SRP54: variants seen among roughly 807,000 people sequenced by gnomAD.
SRP54 encodes signal recognition particle subunit SRP54.
SRP54 carries 10 observed loss-of-function variants against 64.8 expected under a neutral mutation model. That is an observed-to-expected ratio of 0.15 (90% confidence interval 0.10 to 0.26). The LOEUF (loss-of-function observed/expected upper bound fraction) is 0.26, where lower values mean the gene tolerates loss of function less well. Among genes scored for constraint, SRP54 ranks in the 10% least tolerant of loss-of-function variants. The pLI is 1.00. For synonymous variants in SRP54, 193 were observed against 185.6 expected (o/e 1.04, Z -0.32); for missense variants, 325 against 613.7 (o/e 0.53, Z 4.97).
chr14:35,008,884 C>CTT (rs35812379), intron 7 of SRP54, 53 bp downstream of exon 7: 27,778 of 667,570 alleles, frequency 0.042, 13 homozygotes, highest in South Asian at 0.073. Context: ...TGTCTGTCAG[C>CTT]TTTTTTTTTT....
At chr14:35,026,055 C>CAAA (rs564680386) in intron 14 of SRP54, among the ~76,000 whole-genome samples, 2 of 99,636 alleles carry the variant, frequency 2.0e-5, no homozygotes, top group Non-Finnish European at 4.0e-5. Context: ...GAGCCTGTCT[C>CAAA]AAAAAAAAAA....
intron 13 of SRP54, among the ~76,000 whole-genome samples, chr14:35,022,498 A>C (rs973877293): frequency 3.9e-5 from 6 of 152,062 alleles, no homozygotes; most frequent in Non-Finnish European, 8.8e-5. Flanking sequence ...CTGGGACTAC[A>C]GGCACATGCC....
chr14:34,987,170 G>C (rs2043908244), intron 1 of SRP54, among the ~76,000 whole-genome samples: 1 of 149,142 alleles, frequency 6.7e-6, no homozygotes, highest in Admixed American at 6.7e-5. Flanking sequence ...GGCAGATATT[G>C]CAGTGAGCCG....
chr14:35,016,132 C>G (rs2044435028), intron 11 of SRP54, among the ~76,000 whole-genome samples: 1 of 152,190 alleles, frequency 6.6e-6, no homozygotes, highest in Non-Finnish European at 1.5e-5. Context: ...AGCTGCCCTT[C>G]AACTATGCTA....
intron 1 of SRP54, among the ~76,000 whole-genome samples, chr14:34,995,577 C>G (rs2044060114): frequency 6.6e-6 from 1 of 152,102 alleles, no homozygotes; most frequent in African/African-American, 2.4e-5. Context: ...TGTTTATCAT[C>G]CATAAGCCCT....
intron 11 of SRP54, among the ~76,000 whole-genome samples, chr14:35,017,429 T>G (rs2044461683): frequency 2.6e-5 from 4 of 152,220 alleles, no homozygotes; most frequent in Admixed American, 2.6e-4. Flanking sequence ...TCTGTGGATT[T>G]CTTATATTAT....
chr14:35,020,995 C>G (rs1041624310), intron 13 of SRP54, among the ~76,000 whole-genome samples: 2 of 152,098 alleles, frequency 1.3e-5, no homozygotes, highest in African/African-American at 4.8e-5. Context: ...AGTTTATCTT[C>G]TTTCATTTGA....
intron 4 of SRP54, among the ~76,000 whole-genome samples, chr14:35,002,789 G>A (rs1010396000): frequency 3.6e-5 from 5 of 140,190 alleles, no homozygotes; most frequent in African/African-American, 1.3e-4. Context: ...TGTTACCCAG[G>A]CTGGAGTGTA....
At chr14:35,009,110 A>T (rs1415707769) in intron 7 of SRP54, among the ~76,000 whole-genome samples, 1 of 151,562 alleles carries the variant, frequency 6.6e-6, no homozygotes, top group Non-Finnish European at 1.5e-5. Flanking sequence ...CTGGTCTCGA[A>T]CTCCTGACCT....
chr14:34,999,484 G>A lies in SRP54; in HGVS notation c.79-74G>A, dbSNP rs1235405755. The stretch of plus-strand genomic sequence containing the variant: ...ATTACTAAGCTGTGGTTATGTAAGT[G>A]ATCAACAATTGTTTTTATGGAACTG... On this transcript the variant is annotated intron_variant, in intron 2 of 15. Coordinates refer to ENST00000216774, the MANE Select transcript of SRP54 (RefSeq NM_003136.4). 3 of 1,102,770 alleles carry A rather than the reference G, an allele frequency of 2.7e-6. No homozygotes were observed. The African/African-American group carries it at 4.6e-5, about 17-fold the overall frequency. 68.3% of individuals were successfully genotyped at this position (1,102,770 alleles called of 1,614,324 possible).
At chr14:34,996,238 TAGG>T (rs1163021636) in intron 1 of SRP54, among the ~76,000 whole-genome samples, 5 of 152,206 alleles carry the variant, frequency 3.3e-5, no homozygotes, top group African/African-American at 9.6e-5. Context: ...TTTTTTTGCT[TAGG>T]AGCAAGAATC....
At chr14:34,985,539 T>C (rs1354376108) in intron 1 of SRP54, among the ~76,000 whole-genome samples, 2 of 152,240 alleles carry the variant, frequency 1.3e-5, no homozygotes, top group Admixed American at 1.3e-4. Flanking sequence ...TTGTCTCAAC[T>C]AGCCTTATGG....
chr14:34,995,895 C>T (rs1478793289), intron 1 of SRP54, among the ~76,000 whole-genome samples: 1 of 151,748 alleles, frequency 6.6e-6, no homozygotes, highest in Non-Finnish European at 1.5e-5. Context: ...AGTGAGACCC[C>T]GTCTCTACAG....
chr14:34,985,674 A>G (rs1455840810), intron 1 of SRP54, among the ~76,000 whole-genome samples: 1 of 152,174 alleles, frequency 6.6e-6, no homozygotes, highest in East Asian at 1.9e-4. Flanking sequence ...TTTCTTTGGG[A>G]CATGTTATTA....
At chr14:35,003,383 T>C (rs1365380415) in intron 4 of SRP54, among the ~76,000 whole-genome samples, 2 of 151,980 alleles carry the variant, frequency 1.3e-5, no homozygotes, top group Non-Finnish European at 2.9e-5. Context: ...TCTCTATTTA[T>C]TTATTTATTT....
chr14:34,997,585 G>A (rs536163097), intron 2 of SRP54, among the ~76,000 whole-genome samples: 1 of 152,270 alleles, frequency 6.6e-6, no homozygotes, highest in Non-Finnish European at 1.5e-5. Flanking sequence ...ATGGTTTTAA[G>A]TTTCAAATAA....
chr14:35,028,292 T>C, intron 15 of SRP54, 109 bp downstream of exon 15: 1 of 653,300 alleles, frequency 1.5e-6, no homozygotes, highest in Non-Finnish European at 2.5e-6. Flanking sequence ...AAAAGGTGTG[T>C]GATTTCAGGG....
chr14:35,024,386 T>A (rs573558456), intron 14 of SRP54, among the ~76,000 whole-genome samples: 66 of 152,292 alleles, frequency 4.3e-4, no homozygotes, highest in African/African-American at 1.5e-3. Flanking sequence ...ATTATTAAGT[T>A]TAACATTTCT....
chr14:35,007,162 C>A, intron 4 of SRP54, 121 bp from the exon 5 acceptor site: 1 of 495,442 alleles, frequency 2.0e-6, no homozygotes, highest in Non-Finnish European at 3.6e-6. Flanking sequence ...CACTGCACTC[C>A]AGCCTGGGTG....
Sources: allele counts gnomAD v4.1 joint callset (sites outside exome capture counted in the v4.1 genomes callset), GRCh38; gene constraint gnomAD v4.1.1; transcripts MANE v1.5; gene names NCBI Gene and HGNC (gene_info 2026-07-23, HGNC 2026-07-21).